Variants in NTRK3 observed in about 807,000 individuals in gnomAD.
The protein encoded by NTRK3 is NT-3 growth factor receptor.
A neutral mutation model predicts 91.7 loss-of-function variants in NTRK3; 24 were observed. That is an observed-to-expected ratio of 0.26 (90% CI 0.19 to 0.37). The LOEUF is 0.37. NTRK3 is among the 10% of genes least tolerant of loss of function. The pLI is 1.00. For missense variants in NTRK3, 880 were observed against 1,068.9 expected (o/e 0.82, Z 2.46); for synonymous variants, 483 against 404.0 (o/e 1.20, Z -2.34).
intron 13 of NTRK3, among the ~76,000 whole-genome samples, chr15:88,084,121 G>A (rs1180497177): frequency 1.0e-4 from 15 of 150,016 alleles, no homozygotes; most frequent in Admixed American, 1.0e-3. Flanking sequence ...AAACTCTGGG[G>A]TTTTTTTCTT....
At chr15:88,152,977 T>C (rs992729242) in intron 5 of NTRK3, among the ~76,000 whole-genome samples, 3 of 152,232 alleles carry the variant, frequency 2.0e-5, no homozygotes, top group Non-Finnish European at 4.4e-5. Context: ...TGACTCTTCC[T>C]GGAGGATTCA....
chr15:87,879,178 G>C (rs867759513), intron 18 of NTRK3, among the ~76,000 whole-genome samples: 9 of 152,116 alleles, frequency 5.9e-5, no homozygotes, highest in African/African-American at 2.2e-4. Flanking sequence ...AAGTGGTCAA[G>C]ACATAGGAGA....
intron 15 of NTRK3, among the ~76,000 whole-genome samples, chr15:87,938,525 C>G (rs2069508185): frequency 6.6e-6 from 1 of 152,142 alleles, no homozygotes; most frequent in African/African-American, 2.4e-5. Context: ...CGGTTCATCT[C>G]CTCCAGATCC....
At chr15:88,152,143 A>G (rs2043439052) in intron 5 of NTRK3, among the ~76,000 whole-genome samples, 1 of 152,060 alleles carries the variant, frequency 6.6e-6, no homozygotes, top group Non-Finnish European at 1.5e-5. Flanking sequence ...TCTACTAAAA[A>G]TCCAAAAATT....
chr15:87,951,529 G>T (rs2071105097), intron 14 of NTRK3, among the ~76,000 whole-genome samples: 1 of 152,144 alleles, frequency 6.6e-6, no homozygotes, highest in Non-Finnish European at 1.5e-5. Flanking sequence ...AAGCTTGCTG[G>T]CCTGAAGAAG....
At chr15:88,121,445 C>A (rs2114252) in intron 13 of NTRK3, among the ~76,000 whole-genome samples, 40,665 of 152,072 alleles carry the variant, frequency 0.27, 5,891 homozygotes, top group African/African-American at 0.35. Flanking sequence ...AATACGGATA[C>A]AGGAGAGCCC....
chr15:88,027,082 C>T (rs968906010), intron 14 of NTRK3, among the ~76,000 whole-genome samples: 1 of 152,090 alleles, frequency 6.6e-6, no homozygotes, highest in Non-Finnish European at 1.5e-5. Flanking sequence ...TACCTCCAGC[C>T]TTGCTGAGTA....
At chr15:88,038,047 A>C (rs1427014715) in intron 13 of NTRK3, among the ~76,000 whole-genome samples, 1 of 152,228 alleles carries the variant, frequency 6.6e-6, no homozygotes, top group African/African-American at 2.4e-5. Context: ...GAATTTATGC[A>C]AAGGGATACT....
chr15:88,219,264 C>A (rs556966184), intron 3 of NTRK3, among the ~76,000 whole-genome samples: 1 of 152,242 alleles, frequency 6.6e-6, no homozygotes, highest in East Asian at 1.9e-4. Context: ...TGACCTGCAG[C>A]AAATTAAGTT....
Position 88,111,612 on chromosome 15 carries a change from C to A in NTRK3, c.1396+14659G>T, listed in dbSNP as rs184959442. Among the ~76,000 whole-genome samples the A allele has an allele frequency of 4.3e-4, 65 of 152,260 alleles. 1 individual carries two copies. The East Asian group carries it at 0.011, about 26-fold the overall frequency. Reference sequence around the variant, plus strand: ...GATGGGGACTCCCTAAGGTTCCCAGCAGCCCTAGGTCTCCTTATATTCTGA... The same window carrying A: ...GATGGGGACTCCCTAAGGTTCCCAGAAGCCCTAGGTCTCCTTATATTCTGA... On this transcript the variant is annotated intron_variant, in intron 13 of 18. Transcript: ENST00000394480.
At chr15:88,043,736 T>C (rs1359832966) in intron 13 of NTRK3, among the ~76,000 whole-genome samples, 1 of 152,192 alleles carries the variant, frequency 6.6e-6, no homozygotes, top group Admixed American at 6.5e-5. Context: ...CAATATGAAG[T>C]TCTTTCAAAT....
intron 5 of NTRK3, among the ~76,000 whole-genome samples, chr15:88,181,948 T>A (rs145158262): frequency 4.0e-4 from 61 of 152,314 alleles, no homozygotes; most frequent in African/African-American, 1.4e-3. Flanking sequence ...TAGGATGTTT[T>A]ACAGTGAAAC....
intron 13 of NTRK3, among the ~76,000 whole-genome samples, chr15:88,059,045 C>A (rs1205198981): frequency 7.2e-6 from 1 of 138,956 alleles, no homozygotes; most frequent in Non-Finnish European, 1.6e-5. Context: ...TTCACTCACA[C>A]ACAAACACAC....
intron 14 of NTRK3, among the ~76,000 whole-genome samples, chr15:88,018,663 G>C (rs2077403859): frequency 6.6e-6 from 1 of 152,098 alleles, no homozygotes; most frequent in South Asian, 2.1e-4. Flanking sequence ...CAAGACTTTA[G>C]CAAACATTTT....
chr15:88,066,329 A>G (rs932128039), intron 13 of NTRK3, among the ~76,000 whole-genome samples: 5 of 152,186 alleles, frequency 3.3e-5, no homozygotes, highest in Non-Finnish European at 7.3e-5. Flanking sequence ...AAAGGAGAGT[A>G]AGATACTGAG....
intron 13 of NTRK3, 109 bp downstream of exon 13, chr15:88,126,162 T>C (rs1368755242): frequency 2.5e-6 from 2 of 804,026 alleles, no homozygotes; most frequent in Admixed American, 2.0e-5. Flanking sequence ...TTAGACCCCA[T>C]GACCGGAGGC....
chr15:88,106,069 T>C lies in NTRK3; in HGVS notation c.1396+20202A>G, dbSNP rs571019986. ...TATGTGTGCGTATGTTCAAGGATTC[T>C]GTTGTCAAGATTACATATTTTCATT... is the stretch of plus-strand genomic sequence containing the variant. On this transcript the variant is annotated intron_variant, in intron 13 of 18. Transcript: ENST00000394480. 2.6e-5 allele frequency among the ~76,000 whole-genome samples: 4 copies of C among 152,286 alleles called. No homozygotes were observed. In the South Asian group the frequency reaches 8.3e-4, roughly 31 times the overall value.
exon 19 of NTRK3, chr15:87,864,789 G>A (rs1331111207): frequency 1.7e-5 from 4 of 229,504 alleles, no homozygotes; most frequent in Non-Finnish European, 3.5e-5. Flanking sequence ...CGTCTCAAAA[G>A]CGGCTCTCAG....
At chr15:88,184,703 C>T (rs2046812011) in intron 3 of NTRK3, among the ~76,000 whole-genome samples, 1 of 152,052 alleles carries the variant, frequency 6.6e-6, no homozygotes, top group Admixed American at 6.5e-5. Context: ...AGTTATTGCC[C>T]ATAAAGACAA....
Sources: allele counts gnomAD v4.1 joint callset (sites outside exome capture counted in the v4.1 genomes callset), GRCh38; gene constraint gnomAD v4.1.1; transcripts MANE v1.5; gene names NCBI Gene and HGNC (gene_info 2026-07-23, HGNC 2026-07-21).